ZNF345: variants seen among roughly 807,000 people sequenced by gnomAD.
ZNF345 encodes zinc finger protein 345, also known as zinc finger protein HZF10.
For missense variants in ZNF345, 527 were observed against 589.9 expected (o/e 0.89, Z 1.10); for synonymous variants, 166 against 187.9 (o/e 0.88, Z 0.95).
intron 3 of ZNF345, chr19:36,887,993 CAA>C (rs2073013121): frequency 6.6e-6 from 1 of 151,800 alleles, no homozygotes; most frequent in Non-Finnish European, 1.5e-5. Flanking sequence ...TAAAAAATAC[CAA>C]AGAGGCCAAA....
intron 2 of ZNF345, among the ~76,000 whole-genome samples, chr19:36,870,846 A>G (rs570641071): frequency 2.0e-5 from 3 of 152,288 alleles, no homozygotes; most frequent in East Asian, 3.9e-4. Flanking sequence ...GGACCCATTA[A>G]ATATGGAGAC....
chr19:36,877,065 C>A lies in ZNF345; in HGVS notation c.235C>A (p.Arg79=). The change falls in exon 3 of 3, where the codon CGA becomes AGA. Residue 79 remains arginine (R), a synonymous_variant. Coordinates refer to ENST00000420450, the MANE Select transcript of ZNF345 (RefSeq NM_001242472.2). ...TTTTAGTTTTGTATCAGTCCTTGTT[C>A]GACATCAGCGAATTCATACTGGTGA... ...KDFSFVSVLV[R]HQRIHTGEKP... 6.2e-7 allele frequency: 1 copy of A among 1,614,052 alleles called. No homozygotes were observed. Among genetic ancestry groups the A allele is most frequent in the Non-Finnish European group, 8.5e-7 (1 of 1,179,990 alleles).
chr19:36,872,551 C>G (rs889600020), intron 2 of ZNF345: 1 of 152,438 alleles, frequency 6.6e-6, no homozygotes, highest in African/African-American at 2.4e-5. Flanking sequence ...CACATCCCAG[C>G]TCCTCTTCAC....
chr19:36,865,319 G>A (rs2072636334), intron 2 of ZNF345, among the ~76,000 whole-genome samples: 1 of 152,148 alleles, frequency 6.6e-6, no homozygotes, highest in South Asian at 2.1e-4. Context: ...AATAAAGGGT[G>A]AATTTGGAAC....
chr19:36,873,891 G>T lies in ZNF345; in HGVS notation c.-46-2894G>T, dbSNP rs549320712. Among the ~76,000 whole-genome samples, 3 of 152,120 alleles carry T rather than the reference G, an allele frequency of 2.0e-5. No homozygotes were observed. In the South Asian group the frequency reaches 6.2e-4, roughly 32 times the overall value. ...TGTTCATCCATCAGTGGGCACATAGGTTATTTTCATGTCTTGGCTATTGTG... is the reference window on the plus strand; with the variant it reads ...TGTTCATCCATCAGTGGGCACATAGTTTATTTTCATGTCTTGGCTATTGTG... On this transcript the variant is annotated intron_variant, in intron 2 of 2. Coordinates refer to ENST00000420450, the MANE Select transcript of ZNF345 (RefSeq NM_001242472.2).
chr19:36,851,081 C>G (rs2072250652), intron 1 of ZNF345, 113 bp downstream of exon 1: 1 of 152,582 alleles, frequency 6.6e-6, no homozygotes, highest in East Asian at 1.9e-4. Context: ...TGACTGGGGG[C>G]GTGTGTCTGT....
At chr19:36,863,817 G>A (rs530595942) in intron 2 of ZNF345, among the ~76,000 whole-genome samples, 3 of 152,238 alleles carry the variant, frequency 2.0e-5, no homozygotes, top group East Asian at 1.9e-4. Context: ...TGCCATAATG[G>A]TCAAGTACAG....
rs146699230 is a variant in ZNF345, at chr19:36,877,830, A to C, written c.1000A>C (p.Arg334=). The change falls in exon 3 of 3, where the codon AGA becomes CGA. Residue 334 remains arginine, a synonymous_variant. Transcript: ENST00000420450. ...TGGTTCAAAACTTATTCAGCATCAA[A>C]GAATGCATACTGGAGAGAAACCTTA... The part of the protein sequence containing the change: ...RSGSKLIQHQ[R]MHTGEKPYEC... 961 of 1,613,972 alleles carry C rather than the reference A, an allele frequency of 6.0e-4. 3 individuals are homozygous for C. The highest frequency in any genetic ancestry group is 9.2e-4 in the Admixed American group (55 of 59,996).
At chr19:36,876,696 T>C (rs2072887191) in intron 2 of ZNF345, 89 bp from the exon 3 acceptor site, 1 of 846,520 alleles carries the variant, frequency 1.2e-6, no homozygotes, top group Non-Finnish European at 1.8e-6. Context: ...GAAAATTAAA[T>C]TGTAGTTAAG....
intron 2 of ZNF345, among the ~76,000 whole-genome samples, chr19:36,867,836 A>T (rs1047891874): frequency 6.6e-6 from 1 of 152,052 alleles, no homozygotes; most frequent in Non-Finnish European, 1.5e-5. Context: ...TTATTCCATT[A>T]GTTTACAAGT....
intron 2 of ZNF345, among the ~76,000 whole-genome samples, chr19:36,859,921 T>C (rs1404859639): frequency 6.6e-6 from 1 of 151,848 alleles, no homozygotes; most frequent in Non-Finnish European, 1.5e-5. Flanking sequence ...ACACACATTT[T>C]ATCTGTACCA....
chr19:36,876,510 A>G (rs923408753), intron 2 of ZNF345, among the ~76,000 whole-genome samples: 2 of 152,180 alleles, frequency 1.3e-5, no homozygotes, highest in Non-Finnish European at 2.9e-5. Flanking sequence ...AAACTAAACT[A>G]CTATTTAAAA....
At chr19:36,891,451 T>A (rs1600726718) in intron 3 of ZNF345, 1 of 1,499,234 alleles carries the variant, frequency 6.7e-7, no homozygotes, top group Non-Finnish European at 8.9e-7. Context: ...TTTAAAAAAA[T>A]TATTATAAAG....
intron 2 of ZNF345, among the ~76,000 whole-genome samples, chr19:36,863,187 G>A (rs1408136947): frequency 6.6e-6 from 1 of 152,158 alleles, no homozygotes; most frequent in East Asian, 1.9e-4. Flanking sequence ...CTATATACTT[G>A]TCTCTCTGGG....
chr19:36,852,206 A>G (rs1262710133), intron 2 of ZNF345, among the ~76,000 whole-genome samples: 1 of 131,938 alleles, frequency 7.6e-6, no homozygotes, highest in Admixed American at 8.9e-5. Flanking sequence ...CTCTTGATGG[A>G]CATTTGTCTT....
At chr19:36,876,684 A>G (rs1055051145) in intron 2 of ZNF345, 101 bp from the exon 3 acceptor site, 18 of 782,078 alleles carry the variant, frequency 2.3e-5, no homozygotes, top group South Asian at 1.6e-4. Flanking sequence ...CTCAATTTTT[A>G]TGAAAATTAA....
chr19:36,882,112 C>A (rs368739358), downstream of ZNF345, among the ~76,000 whole-genome samples: 38 of 150,368 alleles, frequency 2.5e-4, no homozygotes, highest in South Asian at 7.5e-3. Flanking sequence ...TTTTTGTTTG[C>A]TTTTTCTATT....
Position 36,877,840 on chromosome 19 carries a change from C to G in ZNF345, c.1010C>G (p.Thr337Ser), listed in dbSNP as rs1166025257. 2 of 1,613,666 alleles carry G rather than the reference C, an allele frequency of 1.2e-6. No individual in the cohort carries two copies. The highest frequency in any genetic ancestry group is 4.5e-5 in the East Asian group (2 of 44,820). The change falls in exon 3 of 3, where the codon ACT becomes AGT. Residue 337 changes from threonine (T) to serine (S), a missense_variant. Transcript: ENST00000420450. ...SKLIQHQRMHTGEKPYECKEC... is the reference protein window; with the variant it reads ...SKLIQHQRMHSGEKPYECKEC... ...CTTATTCAGCATCAAAGAATGCATA[C>G]TGGAGAGAAACCTTATGAATGTAAG...
rs1447220292 is a variant in ZNF345 at position 36,876,905 on chromosome 19, G to T, written c.75G>T (p.Glu25Asp). The T allele has an allele frequency of 6.2e-7, 1 of 1,614,068 alleles. No homozygotes were observed. Among genetic ancestry groups the T allele is most frequent in the African/African-American group, 1.3e-5 (1 of 75,026 alleles). ...RGDWECKNQF[E>D]RKQGSQEGHF... ...ATTGGGAATGTAAAAACCAGTTTGA[G>T]AGAAAACAGGGATCTCAGGAAGGAC... is the stretch of plus-strand genomic sequence containing the variant. The change falls in exon 3 of 3, where the codon GAG (glutamate) becomes GAT (aspartate). Residue 25 changes from glutamate (E) to aspartate (D), a missense_variant. Transcript: ENST00000420450.
Sources: gnomAD v4.1 joint callset for allele counts (sites outside exome capture counted in the v4.1 genomes callset) on GRCh38, gnomAD v4.1.1 for gene constraint, MANE v1.5 for transcripts, NCBI Gene and HGNC (gene_info 2026-07-23, HGNC 2026-07-21) for gene names.